EPS15: variants seen among roughly 807,000 people sequenced by gnomAD.
EPS15 encodes epidermal growth factor receptor substrate 15.
A neutral mutation model predicts 113.8 loss-of-function variants in EPS15; 72 were observed. The observed-to-expected ratio is 0.63, with a 90% confidence interval of 0.52 to 0.77. EPS15 has a LOEUF of 0.77. Ranked by LOEUF, EPS15 falls within the 30% of genes least tolerant of loss-of-function variation. EPS15 has a pLI of 0.00. For missense variants in EPS15, 1,048 were observed against 1,045.8 expected, an observed-to-expected ratio of 1.00 and a Z score of -0.03; for synonymous variants, 344 against 363.4, an observed-to-expected ratio of 0.95 and a Z score of 0.61.
chr1:51,513,423 A>G (rs1644661748), intron 1 of EPS15, among the ~76,000 whole-genome samples: 1 of 152,244 alleles, frequency 6.6e-6, no homozygotes, highest in African/African-American at 2.4e-5. Context: ...TAAAAATAAT[A>G]TAACAACAAA....
chr1:51,476,111 G>C (rs1461885063), intron 2 of EPS15, among the ~76,000 whole-genome samples: 1 of 152,182 alleles, frequency 6.6e-6, no homozygotes, highest in African/African-American at 2.4e-5. Flanking sequence ...AAGTCAGGTA[G>C]TGTAATGCCT....
chr1:51,410,935 AG>A (rs1649660677), intron 13 of EPS15, among the ~76,000 whole-genome samples: 1 of 152,210 alleles, frequency 6.6e-6, no homozygotes, highest in Non-Finnish European at 1.5e-5. Context: ...TCTACGAGTT[AG>A]GTACTGATAT....
intron 4 of EPS15, among the ~76,000 whole-genome samples, chr1:51,469,778 T>C (rs1166186913): frequency 6.6e-6 from 1 of 152,078 alleles, no homozygotes; most frequent in African/African-American, 2.4e-5. Context: ...TCCACAACCT[T>C]CTGTGCAATG....
chr1:51,440,291 G>C, intron 12 of EPS15, 56 bp downstream of exon 12: 4 of 652,840 alleles, frequency 6.1e-6, no homozygotes, highest in African/African-American at 5.3e-5. Context: ...GTGTGTGTGT[G>C]TGTGTGTGTG....
intron 21 of EPS15, among the ~76,000 whole-genome samples, chr1:51,386,063 A>T (rs923691325): frequency 6.6e-6 from 1 of 152,210 alleles, no homozygotes; most frequent in Non-Finnish European, 1.5e-5. Context: ...ACCACAATTT[A>T]AAAAAACTAC....
At chr1:51,377,510 A>G (rs1263062200) in intron 21 of EPS15, among the ~76,000 whole-genome samples, 2 of 152,224 alleles carry the variant, frequency 1.3e-5, no homozygotes, top group Non-Finnish European at 1.5e-5. Flanking sequence ...AGTTGCCTCT[A>G]CAGATAAGAA....
intron 1 of EPS15, among the ~76,000 whole-genome samples, chr1:51,485,312 T>G (rs776735465): frequency 1.3e-5 from 2 of 152,278 alleles, no homozygotes; most frequent in Admixed American, 6.5e-5. Context: ...CCGAGGCTAG[T>G]ACTTTCAAAA....
intron 12 of EPS15, among the ~76,000 whole-genome samples, chr1:51,433,778 A>G (rs1186861822): frequency 2.0e-5 from 3 of 152,264 alleles, no homozygotes; most frequent in African/African-American, 7.2e-5. Context: ...CCAGGATAAC[A>G]AACAGGCCTG....
At chr1:51,394,360 G>T in intron 21 of EPS15, 21 bp downstream of exon 21, 2 of 1,518,074 alleles carry the variant, frequency 1.3e-6, no homozygotes, top group South Asian at 1.2e-5. Context: ...GTTCAATGAA[G>T]TTGATAAATT....
At chr1:51,508,242 G>GAAAAGAAA in intron 1 of EPS15, among the ~76,000 whole-genome samples, 1 of 32,886 alleles carries the variant, frequency 3.0e-5, no homozygotes, top group Non-Finnish European at 6.6e-5. Context: ...AGAAAAGAAA[G>GAAAAGAAA]AGAGAAAGAG....
chr1:51,358,177 A>T (rs535265447), intron 24 of EPS15, among the ~76,000 whole-genome samples: 1 of 152,212 alleles, frequency 6.6e-6, no homozygotes, highest in African/African-American at 2.4e-5. Flanking sequence ...GGTGGTGCAC[A>T]TCTGTAGTTC....
chr1:51,431,394 T>C (rs1455884391), intron 12 of EPS15, among the ~76,000 whole-genome samples: 3 of 152,018 alleles, frequency 2.0e-5, no homozygotes, highest in Admixed American at 2.0e-4. Flanking sequence ...CACACCCCCT[T>C]AGTGGCAGGT....
intron 1 of EPS15, among the ~76,000 whole-genome samples, chr1:51,492,235 T>C (rs1301032683): frequency 1.3e-5 from 2 of 152,164 alleles, no homozygotes; most frequent in Admixed American, 6.5e-5. Context: ...AATAATCAGA[T>C]AGGGCTCCTG....
chr1:51,404,250 G>A (rs944965588), intron 16 of EPS15, among the ~76,000 whole-genome samples: 2 of 150,678 alleles, frequency 1.3e-5, no homozygotes, highest in Admixed American at 6.6e-5. Flanking sequence ...GGAGGCTGAG[G>A]CAGGAGAATA....
At chr1:51,380,991 C>T (rs1646927609) in intron 21 of EPS15, among the ~76,000 whole-genome samples, 1 of 152,138 alleles carries the variant, frequency 6.6e-6, no homozygotes, top group South Asian at 2.1e-4. Flanking sequence ...TATGATGTAA[C>T]ATTTATAAAC....
At chr1:51,401,588 C>T (rs565831211) in intron 18 of EPS15, among the ~76,000 whole-genome samples, 36 of 152,306 alleles carry the variant, frequency 2.4e-4, no homozygotes, top group African/African-American at 8.7e-4. Context: ...ACCAAAAGCA[C>T]AAGTGACAGA....
At chr1:51,384,869 G>A (rs1647027415) in intron 21 of EPS15, among the ~76,000 whole-genome samples, 1 of 152,194 alleles carries the variant, frequency 6.6e-6, no homozygotes, top group African/African-American at 2.4e-5. Context: ...CACAAGAAAA[G>A]ATGATGGGAA....
At position 51,430,977 on chromosome 1, in the gene EPS15, T is replaced by TACAC. The variant is rs67920039; in HGVS notation, c.1041-9123_1041-9120dup. Among the ~76,000 whole-genome samples, 625 of 122,048 alleles carry TACAC rather than the reference T, an allele frequency of 5.1e-3. 4 individuals are homozygous for TACAC. The highest frequency in any genetic ancestry group is 0.019 in the East Asian group (75 of 4,002). The allele number at this position is 122,048 out of a possible 152,430, so 80.1% of individuals were successfully genotyped here. A position where few individuals can be genotyped will look rare whatever the true frequency, so the allele number is the denominator to read the frequency against. On this transcript the variant is annotated intron_variant, in intron 12 of 24. Coordinates refer to ENST00000371733, the MANE Select transcript of EPS15 (RefSeq NM_001981.3). ...CTATCTGAAAAATACATTACTTACA[T>TACAC]ACACACACACACACACACACACACA...
chr1:51,409,794 C>G, intron 13 of EPS15, 98 bp from the exon 14 acceptor site: 1 of 776,854 alleles, frequency 1.3e-6, no homozygotes, highest in Non-Finnish European at 2.1e-6. Flanking sequence ...TAAAGTCTTA[C>G]TGAGTATACT....
Sources: allele counts gnomAD v4.1 joint callset (sites outside exome capture counted in the v4.1 genomes callset), GRCh38; gene constraint gnomAD v4.1.1; transcripts MANE v1.5; gene names NCBI Gene and HGNC (gene_info 2026-07-23, HGNC 2026-07-21).